The following SEC24B variants were observed in gnomAD, a reference collection of about 807,000 sequenced individuals.
SEC24B encodes SEC24 homolog B, COPII component, also known as protein transport protein Sec24B.
Under a neutral mutation model 142.8 loss-of-function variants are expected in SEC24B, and 45 were observed. That is an observed-to-expected ratio of 0.32 (90% CI 0.25 to 0.40). The LOEUF is 0.40. Ranked by LOEUF, SEC24B falls within the 10% of genes least tolerant of loss-of-function variation. SEC24B has a pLI of 1.00. For missense variants in SEC24B, 1,409 were observed against 1,526.8 expected (o/e 0.92, Z 1.29); for synonymous variants, 574 against 568.2 (o/e 1.01, Z -0.15).
intron 4 of SEC24B, among the ~76,000 whole-genome samples, chr4:109,487,862 TA>T (rs1162770260): frequency 4.6e-5 from 7 of 152,138 alleles, no homozygotes; most frequent in Admixed American, 6.5e-5. Context: ...CAAAATAGAA[TA>T]AAAAAATTAA....
At chr4:109,458,033 A>T (rs1730868879) in intron 1 of SEC24B, among the ~76,000 whole-genome samples, 1 of 152,064 alleles carries the variant, frequency 6.6e-6, no homozygotes, top group South Asian at 2.1e-4. Flanking sequence ...TGATTATTAC[A>T]AGTGTTAGAC....
chr4:109,477,140 T>TAA (rs759331468), intron 3 of SEC24B, among the ~76,000 whole-genome samples: 54 of 55,910 alleles, frequency 9.7e-4, no homozygotes, highest in Middle Eastern at 0.01. Flanking sequence ...CCGTCTCAAA[T>TAA]AAAAAAAAAA....
At chr4:109,505,699 C>A (rs1283372451) in intron 6 of SEC24B, among the ~76,000 whole-genome samples, 3 of 152,000 alleles carry the variant, frequency 2.0e-5, no homozygotes, top group Admixed American at 6.5e-5. Context: ...CCTTTTTAGA[C>A]AAACAATTCT....
intron 20 of SEC24B, 142 bp downstream of exon 20, chr4:109,531,664 G>C: frequency 3.4e-6 from 2 of 583,378 alleles, no homozygotes; most frequent in East Asian, 5.7e-5. Flanking sequence ...ATTAAATAAG[G>C]ACACTGGCTG....
At chr4:109,507,159 C>T (rs1288810866) in intron 7 of SEC24B, among the ~76,000 whole-genome samples, 1 of 152,084 alleles carries the variant, frequency 6.6e-6, no homozygotes, top group East Asian at 1.9e-4. Flanking sequence ...GTTCTGTATC[C>T]TATGAATAGG....
intron 11 of SEC24B, 117 bp from the exon 12 acceptor site, chr4:109,520,249 C>T: frequency 1.5e-6 from 1 of 654,146 alleles, no homozygotes. Context: ...TTTTTCTGTC[C>T]CCTGTAGAAA....
At chr4:109,518,354 A>G (rs1454330757) in intron 11 of SEC24B, among the ~76,000 whole-genome samples, 1 of 152,124 alleles carries the variant, frequency 6.6e-6, no homozygotes, top group Non-Finnish European at 1.5e-5. Context: ...CCCACAAGAG[A>G]TGTGGCTTCA....
chr4:109,440,352 G>A (rs960148563), intron 1 of SEC24B, among the ~76,000 whole-genome samples: 2 of 152,062 alleles, frequency 1.3e-5, no homozygotes, highest in African/African-American at 4.8e-5. Context: ...CAATTCATCT[G>A]TAATTCCTGA....
chr4:109,501,405 CA>C (rs1736128568), intron 6 of SEC24B, among the ~76,000 whole-genome samples: 1 of 152,230 alleles, frequency 6.6e-6, no homozygotes, highest in Non-Finnish European at 1.5e-5. Flanking sequence ...CGTGACTACA[CA>C]CACAATTTGT....
intron 19 of SEC24B, among the ~76,000 whole-genome samples, 171 bp downstream of exon 19, chr4:109,530,635 C>T (rs1382445747): frequency 6.6e-6 from 1 of 152,124 alleles, no homozygotes; most frequent in African/African-American, 2.4e-5. Flanking sequence ...TGCATGGTGG[C>T]TCACGCCTGT....
At chr4:109,446,476 G>A (rs1410634681) in intron 1 of SEC24B, among the ~76,000 whole-genome samples, 2 of 152,188 alleles carry the variant, frequency 1.3e-5, no homozygotes, top group Admixed American at 6.5e-5. Flanking sequence ...CTGACCTCCA[G>A]AACTCTAAGA....
chr4:109,501,432 A>G (rs916918796), intron 6 of SEC24B, among the ~76,000 whole-genome samples: 4 of 152,150 alleles, frequency 2.6e-5, no homozygotes, highest in African/African-American at 7.2e-5. Flanking sequence ...TGCCTTAACT[A>G]TTTCCTTAAG....
At chr4:109,535,793 A>C (rs1725471399) in intron 22 of SEC24B, among the ~76,000 whole-genome samples, 1 of 152,114 alleles carries the variant, frequency 6.6e-6, no homozygotes, top group Non-Finnish European at 1.5e-5. Context: ...CGGAGCTTGC[A>C]GTGAGCCGAG....
Position 109,524,803 on chromosome 4 carries a change from G to C in SEC24B, c.2509-15G>C. 5.0e-6 allele frequency: 8 copies of C among 1,602,852 alleles called. No homozygotes were observed. The highest frequency in any genetic ancestry group is 6.8e-6 in the Non-Finnish European group (8 of 1,175,208). On this transcript the variant is annotated splice_polypyrimidine_tract_variant and intron_variant, in intron 14 of 23. Transcript: ENST00000265175. ...TAAAGATTGCTAGCTCTTACTATAT[G>C]ATCTGTTGACTTAGGTGGTACAACA...
intron 6 of SEC24B, among the ~76,000 whole-genome samples, chr4:109,500,356 C>G (rs1735987803): frequency 6.6e-6 from 1 of 151,740 alleles, no homozygotes. Flanking sequence ...CCAGCCTGGC[C>G]AACATGGTGA....
Position 109,525,353 on chromosome 4 carries a change from G to A in SEC24B, c.2640G>A (p.Met880Ile), listed in dbSNP as rs745385622. ...QYSDLASLAC[M>I]SKYSAGCIYY... is the part of the protein sequence containing the mutation. ...TTGTATTTCTCTCTAAAGCTTGCAT[G>A]TCCAAGTATTCTGCAGGGTGCATCT... The change falls in exon 16 of 24, where the codon ATG becomes ATA. Residue 880 changes from methionine (M) to isoleucine (I), a missense_variant. Around this residue, in one of 2 missense-constraint regions of SEC24B, gnomAD observed 700 missense variants for 853.3 expected, o/e 0.82. Transcript: ENST00000265175. The A allele has an allele frequency of 9.4e-6, 15 of 1,588,312 alleles. No individual in the cohort carries two copies. In the Admixed American group the frequency reaches 2.5e-4, roughly 27 times the overall value.
chr4:109,517,553 A>G (rs1346310367), intron 11 of SEC24B, among the ~76,000 whole-genome samples: 1 of 152,178 alleles, frequency 6.6e-6, no homozygotes, highest in Non-Finnish European at 1.5e-5. Context: ...TAATAGCAAT[A>G]TATTGTATTC....
intron 2 of SEC24B, among the ~76,000 whole-genome samples, chr4:109,465,954 T>A (rs549893960): frequency 6.6e-6 from 1 of 152,182 alleles, no homozygotes; most frequent in African/African-American, 2.4e-5. Context: ...TGGGTTTTTT[T>A]CCCCTGCATT....
intron 3 of SEC24B, among the ~76,000 whole-genome samples, chr4:109,478,240 C>T (rs1391599761): frequency 6.6e-6 from 1 of 150,912 alleles, no homozygotes; most frequent in Non-Finnish European, 1.5e-5. Flanking sequence ...GAGCTGAGAT[C>T]ATGCCACTGC....
Sources: gnomAD v4.1 joint callset for allele counts (sites outside exome capture counted in the v4.1 genomes callset) on GRCh38, gnomAD v4.1.1 for gene constraint, gnomAD v4.1.1 regional missense constraint, MANE v1.5 for transcripts, NCBI Gene and HGNC (gene_info 2026-07-23, HGNC 2026-07-21) for gene names.